SENP6: variants seen among roughly 807,000 people sequenced by gnomAD.
The protein encoded by SENP6 is sentrin-specific protease 6.
In SENP6, 41 loss-of-function variants were observed where a neutral mutation model predicts 134.5. That is an observed-to-expected ratio of 0.30 (90% CI 0.24 to 0.40). The LOEUF (loss-of-function observed/expected upper bound fraction) is 0.40, where lower values mean the gene tolerates loss of function less well. SENP6 is among the 10% of genes least tolerant of loss of function. The pLI, the probability that SENP6 is intolerant of heterozygous loss-of-function variation, is 1.00. For synonymous variants in SENP6, 395 were observed against 429.8 expected (o/e 0.92, Z 1.00); for missense variants, 1,248 against 1,312.5 (o/e 0.95, Z 0.76).
intron 5 of SENP6, among the ~76,000 whole-genome samples, chr6:75,639,537 T>G (rs1010821158): frequency 6.6e-6 from 1 of 152,138 alleles, no homozygotes; most frequent in African/African-American, 2.4e-5. Context: ...TTTTGTAAAT[T>G]ATGCTTTGCT....
At chr6:75,657,532 C>G (rs1771437989) in intron 7 of SENP6, among the ~76,000 whole-genome samples, 1 of 152,156 alleles carries the variant, frequency 6.6e-6, no homozygotes, top group Non-Finnish European at 1.5e-5. Context: ...GACATAGTGA[C>G]AATGTCTCTT....
chr6:75,627,554 A>G (rs888584750), intron 3 of SENP6, among the ~76,000 whole-genome samples: 5 of 152,198 alleles, frequency 3.3e-5, no homozygotes, highest in Non-Finnish European at 5.9e-5. Flanking sequence ...GTTCGAAGCC[A>G]GGAGTTTGAG....
At chr6:75,688,195 G>A (rs1310462871) in intron 16 of SENP6, among the ~76,000 whole-genome samples, 4 of 152,206 alleles carry the variant, frequency 2.6e-5, no homozygotes, top group Admixed American at 1.3e-4. Flanking sequence ...CGTGGGAGCC[G>A]CCGAGCCAGG....
intron 7 of SENP6, among the ~76,000 whole-genome samples, chr6:75,656,213 CAAAAAAA>C (rs5877459): frequency 5.8e-4 from 63 of 108,766 alleles, no homozygotes; most frequent in African/African-American, 2.0e-3. Flanking sequence ...GACTCCGTCT[CAAAAAAA>C]AAAAAAAAAA....
At chr6:75,628,831 C>T (rs1362608400) in intron 3 of SENP6, among the ~76,000 whole-genome samples, 7 of 152,108 alleles carry the variant, frequency 4.6e-5, no homozygotes, top group East Asian at 1.9e-4. Context: ...GCGATCCTAC[C>T]GCCTCAGCCT....
intron 2 of SENP6, among the ~76,000 whole-genome samples, chr6:75,623,232 C>T (rs1053515599): frequency 6.6e-5 from 10 of 152,066 alleles, no homozygotes; most frequent in Non-Finnish European, 1.5e-4. Context: ...ACTGTCTTTA[C>T]GGTGCTAGCT....
At chr6:75,628,782 C>T (rs1383330574) in intron 3 of SENP6, among the ~76,000 whole-genome samples, 1 of 152,168 alleles carries the variant, frequency 6.6e-6, no homozygotes, top group Non-Finnish European at 1.5e-5. Context: ...TGCAGTGGGG[C>T]AATCTCGGCT....
chr6:75,699,805 A>C (rs1774911724), intron 18 of SENP6, among the ~76,000 whole-genome samples: 1 of 151,808 alleles, frequency 6.6e-6, no homozygotes, highest in Admixed American at 6.6e-5. Flanking sequence ...TTTTTTCTGA[A>C]GTTTCTAAGC....
intron 11 of SENP6, among the ~76,000 whole-genome samples, chr6:75,671,927 C>T (rs1259197809): frequency 1.3e-5 from 2 of 152,112 alleles, no homozygotes; most frequent in South Asian, 2.1e-4. Context: ...TATGAGAATC[C>T]GGCAAATTTT....
chr6:75,673,339 T>G (rs867849143), intron 11 of SENP6, among the ~76,000 whole-genome samples: 83 of 148,974 alleles, frequency 5.6e-4, no homozygotes, highest in African/African-American at 1.7e-3. Flanking sequence ...TTTTTTTTTT[T>G]GAGACCGAGT....
At chr6:75,669,695 TATATA>T (rs1346400182) in intron 10 of SENP6, among the ~76,000 whole-genome samples, 1 of 152,202 alleles carries the variant, frequency 6.6e-6, no homozygotes, top group African/African-American at 2.4e-5. Context: ...AATATGTAAA[TATATA>T]AGGAAGGGTT....
In SENP6 at chr6:75,617,263, C is replaced by CTTT. The variant is rs71002751; in HGVS notation, c.53-4244_53-4242dup. 7.5e-3 allele frequency among the ~76,000 whole-genome samples: 435 copies of CTTT among 58,146 alleles called. 9 individuals carry two copies. The highest frequency in any genetic ancestry group is 0.011 in the East Asian group (18 of 1,710). 38.1% of individuals were successfully genotyped at this position (58,146 alleles called of 152,430 possible). Reference sequence around the variant, plus strand: ...GATGGTTTGGAGAATTTCTTTCTTTCTTTTTTTTTTTTTTTTTTTTTTTTT... The same window carrying CTTT: ...GATGGTTTGGAGAATTTCTTTCTTTCTTTTTTTTTTTTTTTTTTTTTTTTTTTT... On this transcript the variant is annotated intron_variant, in intron 1 of 23. Transcript: ENST00000447266.
chr6:75,695,911 C>A lies in SENP6; in HGVS notation c.2183C>A (p.Thr728Lys). Residue 728 changes from threonine (T) to lysine (K), a missense_variant, in exon 17 of 24, where the codon ACA (threonine) becomes AAA (lysine). Thr to Lys is a moderately conservative substitution (Grantham distance 78). This residue lies in a region of SENP6 where 129 missense variants were observed against 192.0 expected (regional missense o/e 0.67). Transcript: ENST00000447266. ...LNQRERRNHE[T>K]TNLSIQQKRH... ...CAGAGAGAGAGGAGAAATCATGAAA[C>A]AACTAATCTGTCGTAAGTCAAACTC... 1 of 1,599,360 alleles carries A rather than the reference C, an allele frequency of 6.3e-7. No homozygotes were observed. The highest frequency in any genetic ancestry group is 2.3e-5 in the East Asian group (1 of 44,362).
At chr6:75,670,473 G>T in intron 10 of SENP6, 80 bp from the exon 11 acceptor site, 1 of 882,474 alleles carries the variant, frequency 1.1e-6, no homozygotes, top group Non-Finnish European at 1.7e-6. Context: ...TTCTTATATT[G>T]GGTCTTTGCA....
chr6:75,698,605 G>A (rs1774813206), intron 18 of SENP6, among the ~76,000 whole-genome samples: 1 of 152,010 alleles, frequency 6.6e-6, no homozygotes, highest in Admixed American at 6.5e-5. Flanking sequence ...AAGTAGCTGG[G>A]ATTATAGACA....
At position 75,687,540 on chromosome 6, in the gene SENP6, C is replaced by A. The variant is rs565313608; in HGVS notation, c.2076-8264C>A. Among the ~76,000 whole-genome samples, 72 of 152,346 alleles carry A rather than the reference C, an allele frequency of 4.7e-4. 2 individuals carry two copies. In the South Asian group the frequency reaches 9.5e-3, roughly 20 times the overall value. Reference sequence around the variant, plus strand: ...TTTCTCCCCATCTTTGTGGTTTTATCTACCTTTGGTCTTTGATGTTGGTGA... The same window carrying A: ...TTTCTCCCCATCTTTGTGGTTTTATATACCTTTGGTCTTTGATGTTGGTGA... On this transcript the variant is annotated intron_variant, in intron 16 of 23. Transcript: ENST00000447266.
intron 21 of SENP6, among the ~76,000 whole-genome samples, chr6:75,712,162 T>A (rs1359474717): frequency 6.6e-6 from 1 of 151,932 alleles, no homozygotes; most frequent in East Asian, 1.9e-4. Flanking sequence ...TAAGGGTGAG[T>A]CAGTTTTGCT....
At chr6:75,613,083 C>T (rs1450771310) in intron 1 of SENP6, among the ~76,000 whole-genome samples, 1 of 151,234 alleles carries the variant, frequency 6.6e-6, no homozygotes, top group African/African-American at 2.4e-5. Context: ...CACTGCACTC[C>T]AGCCTGCGTG....
At chr6:75,629,453 C>G (rs968774628) in intron 3 of SENP6, among the ~76,000 whole-genome samples, 1 of 152,130 alleles carries the variant, frequency 6.6e-6, no homozygotes. Context: ...GCGTATGCCA[C>G]CATGTCTGGC....
Sources: gnomAD v4.1 joint callset for allele counts (sites outside exome capture counted in the v4.1 genomes callset) on GRCh38, gnomAD v4.1.1 for gene constraint, gnomAD v4.1.1 regional missense constraint, MANE v1.5 for transcripts, NCBI Gene and HGNC (gene_info 2026-07-23, HGNC 2026-07-21) for gene names.